RIMBP2: variants seen among roughly 807,000 people sequenced by gnomAD.
RIMBP2 encodes the protein RIMS-binding protein 2.
RIMBP2 carries 48 observed loss-of-function variants against 118.6 expected under a neutral mutation model. The observed-to-expected ratio is 0.40, with a 90% CI of 0.32 to 0.51. The LOEUF (loss-of-function observed/expected upper bound fraction) is 0.51. Among genes scored for constraint, RIMBP2 ranks in the 20% least tolerant of loss-of-function variants. RIMBP2 has a pLI of 0.41. For synonymous variants in RIMBP2, 762 were observed against 742.9 expected (o/e 1.03, Z -0.42); for missense variants, 1,551 against 1,768.3 (o/e 0.88, Z 2.20).
intron 2 of RIMBP2, among the ~76,000 whole-genome samples, chr12:130,595,641 G>A (rs1320788055): frequency 1.3e-5 from 2 of 151,102 alleles, no homozygotes; most frequent in Non-Finnish European, 1.5e-5. Flanking sequence ...ATTAACAGCT[G>A]TCATTGCTTC....
At chr12:130,453,684 C>T (rs1240416732) in intron 7 of RIMBP2, among the ~76,000 whole-genome samples, 2 of 152,110 alleles carry the variant, frequency 1.3e-5, no homozygotes, top group Non-Finnish European at 1.5e-5. Context: ...GGGGCCGGGC[C>T]GGGGGCTGTT....
At chr12:130,567,449 C>T (rs533994504) in intron 2 of RIMBP2, among the ~76,000 whole-genome samples, 1 of 152,318 alleles carries the variant, frequency 6.6e-6, no homozygotes, top group South Asian at 2.1e-4. Flanking sequence ...ATGTACTTTC[C>T]AGCCTGGAGC....
intron 7 of RIMBP2, among the ~76,000 whole-genome samples, chr12:130,455,156 G>A (rs757119692): frequency 1.3e-5 from 2 of 152,372 alleles, no homozygotes; most frequent in East Asian, 1.9e-4. Flanking sequence ...GGCCCTTCAC[G>A]GGAGGGAGAG....
At chr12:130,532,354 T>TTC in intron 2 of RIMBP2, among the ~76,000 whole-genome samples, 1 of 145,262 alleles carries the variant, frequency 6.9e-6, no homozygotes, top group African/African-American at 2.6e-5. Context: ...TGCGTGTGTG[T>TTC]AGCCTCTAGG....
intron 7 of RIMBP2, among the ~76,000 whole-genome samples, chr12:130,452,176 C>G (rs1319321902): frequency 6.6e-6 from 1 of 152,234 alleles, no homozygotes; most frequent in African/African-American, 2.4e-5. Flanking sequence ...ATGACACCCC[C>G]TCCCTGGGGT....
At chr12:130,537,340 T>C (rs1359345601) in intron 2 of RIMBP2, among the ~76,000 whole-genome samples, 1 of 152,258 alleles carries the variant, frequency 6.6e-6, no homozygotes, top group African/African-American at 2.4e-5. Flanking sequence ...CTGAAATTTA[T>C]TTTCATGAAA....
rs1566060171 is a variant in RIMBP2, at chr12:130,450,543, A to T, written c.505-267T>A. On this transcript the variant is annotated intron_variant, in intron 8 of 22. Transcript: ENST00000690449. This position sits in a 1 kb window ranked among gnomAD's most constrained non-coding sequence, Gnocchi z 4.8. ...CCAAACAGGAAGGTAAGGCTCAAAG[A>T]CTCCGCCCAGTGTCTCCTACAGCAA... 6.6e-6 allele frequency among the ~76,000 whole-genome samples: 1 copy of T among 150,948 alleles called. No individual in the cohort carries two copies. Among genetic ancestry groups the T allele is most frequent in the South Asian group, 2.1e-4 (1 of 4,756 alleles).
At chr12:130,612,398 G>A (rs888290919) in intron 2 of RIMBP2, among the ~76,000 whole-genome samples, 1 of 152,134 alleles carries the variant, frequency 6.6e-6, no homozygotes, top group Non-Finnish European at 1.5e-5. Flanking sequence ...CAGGCCAGGG[G>A]TTGAAAGGTC....
At chr12:130,528,418 G>C (rs1307902608) in intron 2 of RIMBP2, among the ~76,000 whole-genome samples, 4 of 152,158 alleles carry the variant, frequency 2.6e-5, no homozygotes, top group Non-Finnish European at 1.5e-5. Context: ...CATGGACATA[G>C]GGAGGGGAAC....
intron 2 of RIMBP2, among the ~76,000 whole-genome samples, chr12:130,590,515 C>A (rs562528584): frequency 6.6e-6 from 1 of 152,324 alleles, no homozygotes; most frequent in Admixed American, 6.5e-5. Context: ...CTCCCCGCAG[C>A]CCTCTCTCAT....
intron 1 of RIMBP2, among the ~76,000 whole-genome samples, 166 bp downstream of exon 1, chr12:130,716,056 C>T (rs541412631): frequency 1.3e-5 from 2 of 152,276 alleles, no homozygotes; most frequent in Admixed American, 6.5e-5. Flanking sequence ...CCAGCGCCCC[C>T]GGACCCCACG....
intron 2 of RIMBP2, among the ~76,000 whole-genome samples, chr12:130,530,194 C>T (rs1270370671): frequency 1.3e-5 from 2 of 152,164 alleles, no homozygotes; most frequent in Non-Finnish European, 2.9e-5. Context: ...CAACAATCTG[C>T]GCCAATACTA....
At chr12:130,594,988 C>G (rs538534050) in intron 2 of RIMBP2, among the ~76,000 whole-genome samples, 119 of 152,308 alleles carry the variant, frequency 7.8e-4, no homozygotes, top group African/African-American at 2.6e-3. Flanking sequence ...AACTTCTACA[C>G]CCTATCAGAC....
Position 130,424,069 on chromosome 12 carries a change from A to G in RIMBP2, c.3129+73T>C. ...TCCCCAGGGATGGACACCAGAACAA[A>G]CAGAAAACCAGTGAAAGGATGGGAC... is the stretch of plus-strand genomic sequence containing the variant. On this transcript the variant is annotated intron_variant, in intron 16 of 22. Transcript: ENST00000690449. This position sits in a 1 kb window ranked among gnomAD's most constrained non-coding sequence, Gnocchi z 9.8. 2.4e-6 allele frequency: 2 copies of G among 842,650 alleles called. No individual in the cohort carries two copies. The highest frequency in any genetic ancestry group is 3.2e-6 in the Non-Finnish European group (2 of 632,276). 52.2% of individuals were successfully genotyped at this position (842,650 alleles called of 1,614,324 possible). A position where few individuals can be genotyped will look rare whatever the true frequency, so the allele number is the denominator to read the frequency against.
Position 130,573,861 on chromosome 12 carries a change from G to A in RIMBP2, c.-217+54461C>T, listed in dbSNP as rs180911912. Among the ~76,000 whole-genome samples, 408 of 152,170 alleles carry A rather than the reference G, an allele frequency of 2.7e-3. 1 individual carries two copies. Among genetic ancestry groups the A allele is most frequent in the Non-Finnish European group, 2.1e-3 (146 of 67,996 alleles). ...TGTCCACACAGAAATCCCATCCCCA[G>A]CAAGTTCCCCCAACATGCTCCCCTC... On this transcript the variant is annotated intron_variant, in intron 2 of 22. Coordinates refer to ENST00000690449, the MANE Select transcript of RIMBP2 (RefSeq NM_001393629.1).
At chr12:130,674,890 C>T (rs1030336177) in intron 1 of RIMBP2, among the ~76,000 whole-genome samples, 2 of 152,178 alleles carry the variant, frequency 1.3e-5, no homozygotes, top group African/African-American at 4.8e-5. Flanking sequence ...CGGCCTCTTC[C>T]ACACAGCGTG....
intron 21 of RIMBP2, among the ~76,000 whole-genome samples, chr12:130,404,581 G>A (rs928940367): frequency 3.3e-5 from 5 of 152,288 alleles, no homozygotes; most frequent in South Asian, 2.1e-4. Context: ...GTGCCCGGCC[G>A]TTGGATCTAT....
At position 130,452,581 on chromosome 12, in the gene RIMBP2, G is replaced by A. The variant is rs1319281776; in HGVS notation, c.359-1241C>T. Among the ~76,000 whole-genome samples, 3 of 152,374 alleles carry A rather than the reference G, an allele frequency of 2.0e-5. No homozygotes were observed. The East Asian group carries it at 5.8e-4, about 29-fold the overall frequency. On this transcript the variant is annotated intron_variant, in intron 7 of 22. Coordinates refer to ENST00000690449, the MANE Select transcript of RIMBP2 (RefSeq NM_001393629.1). ...GCTGCAGGCTACTCCCCTTCCAACT[G>A]GCATTGCTGCCTCTTCTCTGCTCCC...
chr12:130,549,350 A>G lies in RIMBP2; in HGVS notation c.-216-31433T>C, dbSNP rs550284338. Among the ~76,000 whole-genome samples, 3 of 152,368 alleles carry G rather than the reference A, an allele frequency of 2.0e-5. No individual in the cohort carries two copies. The South Asian group carries it at 6.2e-4, about 32-fold the overall frequency. On this transcript the variant is annotated intron_variant, in intron 2 of 22. Coordinates refer to ENST00000690449, the MANE Select transcript of RIMBP2 (RefSeq NM_001393629.1). ...TGATCTTTGGCTACTGTCAAGAGAT[A>G]AAACAGTCCAGTGTTTTTTCTTAAC...
Sources: allele counts gnomAD v4.1 joint callset (sites outside exome capture counted in the v4.1 genomes callset), GRCh38; gene constraint gnomAD v4.1.1; non-coding constraint Gnocchi (gnomAD v3.1); transcripts MANE v1.5; gene names NCBI Gene and HGNC (gene_info 2026-07-23, HGNC 2026-07-21).